The following SLC39A11 variants were observed in gnomAD, a reference collection of about 807,000 sequenced individuals.
The protein encoded by SLC39A11 is solute carrier family 39 member 11.
In SLC39A11, 33 loss-of-function variants were observed where a neutral mutation model predicts 36.1. The ratio of observed to expected loss-of-function variants is 0.91; its 90% CI spans 0.69 to 1.22. The LOEUF (loss-of-function observed/expected upper bound fraction) is 1.22. Among genes scored for constraint, SLC39A11 ranks in the 50% most tolerant of loss-of-function variants. The pLI is 0.00. For missense variants in SLC39A11, 432 were observed against 430.3 expected (o/e 1.00, Z -0.03); for synonymous variants, 166 against 170.3 (o/e 0.97, Z 0.20).
rs368156005 is a variant in SLC39A11, at chr17:72,883,675, TA to T, written c.431-33872del. On this transcript the variant is annotated intron_variant, in intron 5 of 9. Transcript: ENST00000255559. ...TCATTTGTAAGGGAGAAACAGCCAATAAAAATGTATTCTTGTCTCATCAAAA... is the reference window on the plus strand; with the variant it reads ...TCATTTGTAAGGGAGAAACAGCCAATAAAATGTATTCTTGTCTCATCAAAA... 1.3e-4 allele frequency among the ~76,000 whole-genome samples: 20 copies of T among 152,256 alleles called. No homozygotes were observed. In the East Asian group the frequency reaches 2.7e-3, roughly 21 times the overall value.
intron 3 of SLC39A11, among the ~76,000 whole-genome samples, chr17:73,050,323 CAAAAAA>C (rs70938142): frequency 8.1e-5 from 8 of 98,828 alleles, no homozygotes; most frequent in Non-Finnish European, 9.5e-5. Flanking sequence ...CTGTTTGTGG[CAAAAAA>C]AAAAAAAAAA....
At position 72,900,140 on chromosome 17, in the gene SLC39A11, A is replaced by G. The variant is rs951083379; in HGVS notation, c.430+47612T>C. ...AAGAAAGAAAAGAAAGAAAGAAAGA[A>G]AAAGAAAGAAAGAAAAGAAAGAAAG... On this transcript the variant is annotated intron_variant, in intron 5 of 9. Coordinates refer to ENST00000255559, the MANE Select transcript of SLC39A11 (RefSeq NM_139177.4). Among the ~76,000 whole-genome samples, 205 of 43,898 alleles carry G rather than the reference A, an allele frequency of 4.7e-3. 37 individuals are homozygous for G. The highest frequency in any genetic ancestry group is 0.025 in the African/African-American group (185 of 7,324). The allele number at this position is 43,898 out of a possible 152,430, so 28.8% of individuals were successfully genotyped here.
chr17:72,715,563 A>C (rs927162561), intron 7 of SLC39A11, among the ~76,000 whole-genome samples: 2 of 152,250 alleles, frequency 1.3e-5, no homozygotes, highest in Non-Finnish European at 2.9e-5. Flanking sequence ...ATACTGTGTG[A>C]TGCCACTTCT....
At chr17:72,810,360 G>C (rs537026509) in intron 6 of SLC39A11, among the ~76,000 whole-genome samples, 1 of 152,274 alleles carries the variant, frequency 6.6e-6, no homozygotes, top group African/African-American at 2.4e-5. Flanking sequence ...TCCATTCACA[G>C]AAGAATGGAC....
intron 7 of SLC39A11, among the ~76,000 whole-genome samples, chr17:72,698,314 T>C (rs2072414620): frequency 6.6e-6 from 1 of 152,224 alleles, no homozygotes; most frequent in African/African-American, 2.4e-5. Flanking sequence ...ATGTGGTTAC[T>C]CTCCAAAACC....
chr17:73,004,979 T>C (rs1442569859), intron 4 of SLC39A11, among the ~76,000 whole-genome samples: 1 of 151,906 alleles, frequency 6.6e-6, no homozygotes, highest in Non-Finnish European at 1.5e-5. Context: ...CATATACACA[T>C]GTCATGTTTT....
At chr17:72,763,134 C>G (rs1768551306) in intron 6 of SLC39A11, among the ~76,000 whole-genome samples, 2 of 152,160 alleles carry the variant, frequency 1.3e-5, no homozygotes, top group South Asian at 4.1e-4. Context: ...ACAGGAGAAG[C>G]TCCCAACAGG....
intron 5 of SLC39A11, among the ~76,000 whole-genome samples, chr17:72,922,989 A>AAC (rs1555633576): frequency 2.6e-4 from 37 of 144,568 alleles, no homozygotes; most frequent in East Asian, 8.1e-4. Context: ...AAAAAAAAAA[A>AAC]ACACACAGAA....
At chr17:73,047,990 A>AAAAATATATATAT (rs1555693446) in intron 3 of SLC39A11, among the ~76,000 whole-genome samples, 4 of 58,674 alleles carry the variant, frequency 6.8e-5, no homozygotes, top group Non-Finnish European at 1.2e-4. Flanking sequence ...AAAAAAAAAA[A>AAAAATATATATAT]ATATATATAT....
intron 6 of SLC39A11, among the ~76,000 whole-genome samples, chr17:72,757,264 A>G (rs1438154961): frequency 6.6e-6 from 1 of 152,196 alleles, no homozygotes; most frequent in Non-Finnish European, 1.5e-5. Context: ...TCTTAGGGGT[A>G]AGAACAGGTA....
chr17:72,773,364 G>A (rs1251302391), intron 6 of SLC39A11, among the ~76,000 whole-genome samples: 1 of 152,140 alleles, frequency 6.6e-6, no homozygotes, highest in African/African-American at 2.4e-5. Context: ...GAAGATAATT[G>A]AGTCATGGGG....
intron 5 of SLC39A11, among the ~76,000 whole-genome samples, chr17:72,910,368 A>G (rs2082914246): frequency 6.6e-6 from 1 of 152,198 alleles, no homozygotes; most frequent in African/African-American, 2.4e-5. Context: ...CCGTGCCTGT[A>G]ATCCCAGCAC....
intron 6 of SLC39A11, among the ~76,000 whole-genome samples, chr17:72,812,930 G>T (rs924203728): frequency 1.3e-5 from 2 of 152,092 alleles, no homozygotes; most frequent in African/African-American, 4.8e-5. Context: ...ACAGTCCGAT[G>T]AACAAGCTCC....
intron 4 of SLC39A11, among the ~76,000 whole-genome samples, chr17:72,994,230 T>C (rs909743326): frequency 8.5e-5 from 13 of 152,204 alleles, no homozygotes; most frequent in African/African-American, 2.4e-4. Flanking sequence ...TGGTGGAGCA[T>C]TGTATAACAG....
rs147504692 is a variant in SLC39A11 at position 72,896,816 on chromosome 17, C to T, written c.431-47012G>A. Among the ~76,000 whole-genome samples the T allele has an allele frequency of 6.6e-5, 10 of 151,758 alleles. No homozygotes were observed. The East Asian group carries it at 9.7e-4, about 15-fold the overall frequency. On this transcript the variant is annotated intron_variant, in intron 5 of 9. Coordinates refer to ENST00000255559, the MANE Select transcript of SLC39A11 (RefSeq NM_139177.4). ...CTGTAATCCCAGCATTTGGGGAGGC[C>T]GAGTCAGGCGGATCACCTGAGGTCT...
chr17:73,068,768 C>T (rs1460338689), intron 3 of SLC39A11, among the ~76,000 whole-genome samples: 1 of 152,134 alleles, frequency 6.6e-6, no homozygotes, highest in Non-Finnish European at 1.5e-5. Flanking sequence ...GTCAAAACCT[C>T]ATTATTACCT....
At chr17:72,956,308 G>A (rs922498343) in intron 4 of SLC39A11, among the ~76,000 whole-genome samples, 51 of 152,202 alleles carry the variant, frequency 3.4e-4, no homozygotes, top group Admixed American at 2.4e-3. Context: ...AAAATCAAGC[G>A]TATTTAAGCA....
intron 3 of SLC39A11, among the ~76,000 whole-genome samples, chr17:73,056,993 T>C (rs2059690925): frequency 6.6e-6 from 1 of 152,164 alleles, no homozygotes; most frequent in South Asian, 2.1e-4. Context: ...ACAGTCTTGC[T>C]CTGTCACCAA....
intron 5 of SLC39A11, 171 bp downstream of exon 5, chr17:72,947,581 G>C (rs2085508966): frequency 1.1e-6 from 1 of 889,188 alleles, no homozygotes; most frequent in Non-Finnish European, 1.8e-6. Context: ...GAAGGTGCTG[G>C]GCCAGATGCC....
Sources: allele counts gnomAD v4.1 joint callset (sites outside exome capture counted in the v4.1 genomes callset), GRCh38; gene constraint gnomAD v4.1.1; transcripts MANE v1.5; gene names NCBI Gene and HGNC (gene_info 2026-07-23, HGNC 2026-07-21).